GYG2: variants seen among roughly 807,000 people sequenced by gnomAD.
GYG2 encodes the protein glycogenin-2.
Under a neutral mutation model 29.4 loss-of-function variants are expected in GYG2, and 29 were observed. The observed-to-expected ratio is 0.99, with a 90% confidence interval of 0.74 to 1.35. The LOEUF is 1.35. Among genes scored for constraint, GYG2 ranks in the 40% most tolerant of loss-of-function variants. GYG2 has a pLI of 0.00. For missense variants in GYG2, 370 were observed against 385.7 expected (o/e 0.96, Z 0.34); for synonymous variants, 167 against 172.3 (o/e 0.97, Z 0.24).
At chrX:2,848,547 G>GGAA (rs1555897784) in intron 3 of GYG2, among the ~76,000 whole-genome samples, 1 of 99,243 alleles carries the variant, frequency 1.0e-5, no homozygotes, top group African/African-American at 3.7e-5. Context: ...AAAAAGAAGG[G>GGAA]AAAAAAAAAA....
chrX:2,874,278 G>A (rs1378101927), intron 8 of GYG2, among the ~76,000 whole-genome samples: 1 of 111,799 alleles, frequency 8.9e-6, no homozygotes, highest in African/African-American at 3.3e-5. Context: ...ATTTCTTTCT[G>A]TGCTCCTGTT....
At chrX:2,842,361 AT>A (rs201624382) in intron 2 of GYG2, among the ~76,000 whole-genome samples, 12,608 of 100,387 alleles carry the variant, frequency 0.13, 727 homozygotes, top group South Asian at 0.28. Context: ...CGCCTGGCTA[AT>A]TTTTTTTTTT....
At chrX:2,832,684 G>A (rs1281714749) in intron 2 of GYG2, among the ~76,000 whole-genome samples, 1 of 111,522 alleles carries the variant, frequency 9.0e-6, no homozygotes, top group African/African-American at 3.3e-5. Flanking sequence ...ACAGGTGCCC[G>A]CCCCCATGCC....
At chrX:2,858,431 A>T (rs1389722414) in intron 6 of GYG2, among the ~76,000 whole-genome samples, 1 of 111,118 alleles carries the variant, frequency 9.0e-6, no homozygotes, top group Non-Finnish European at 1.9e-5. Flanking sequence ...GTGCCACTGC[A>T]CTCCAGCCTG....
Position 2,830,082 on chromosome X carries a change from C to T in GYG2, c.-107C>T. On this transcript the variant is annotated 5_prime_UTR_variant, in exon 2 of 11. Coordinates refer to ENST00000398806, the MANE Select transcript of GYG2 (RefSeq NM_001079855.2). ...CCAGGCCTGGAAATCCACGCGGATT[C>T]CCGGAGACGGCGCCTCTGCTCTGCG... The T allele has an allele frequency of 1.3e-6, 1 of 782,848 alleles. No homozygotes were observed. The highest frequency in any genetic ancestry group is 1.9e-6 in the Non-Finnish European group (1 of 520,684). 64.5% of individuals were successfully genotyped at this position (782,848 alleles called of 1,213,427 possible).
At chrX:2,843,001 CAG>C (rs1243952488) in intron 2 of GYG2, 2 of 469,105 alleles carry the variant, frequency 4.3e-6, no homozygotes, top group Admixed American at 2.9e-5. Context: ...TTCGTAGAGA[CAG>C]AGTTTCACCA....
In GYG2 at chrX:2,860,066, G is replaced by C; in HGVS notation, c.837+1G>C. 9.0e-7 allele frequency: 1 copy of C among 1,108,486 alleles called. No individual in the cohort carries two copies. Among genetic ancestry groups the C allele is most frequent in the Admixed American group, 2.3e-5 (1 of 42,728 alleles). The allele number at this position is 1,108,486 out of a possible 1,213,427, so 91.4% of individuals were successfully genotyped here. On this transcript the variant is annotated splice_donor_variant, in intron 7 of 10. Transcript: ENST00000398806. LOFTEE classifies it high-confidence loss of function. ...AGCACGCGCGTCTCCTGGTCACACA[G>C]TAAGTGGGGGATTCCCTTAAAACCC...
rs143597107 is a variant in GYG2 at position 2,861,834 on chromosome X, C to T, written c.1038+112C>T. The stretch of plus-strand genomic sequence containing the variant: ...GGGGAGGGGAGATGGAGGGGAAGGG[C>T]TGGTCTTTGGCTTGCTGTGGCATTC... On this transcript the variant is annotated intron_variant, in intron 8 of 10. Coordinates refer to ENST00000398806, the MANE Select transcript of GYG2 (RefSeq NM_001079855.2). 3,896 of 576,246 alleles carry T rather than the reference C, an allele frequency of 6.8e-3. 104 individuals carry two copies. In the African/African-American group the frequency reaches 0.078, roughly 11 times the overall value. The allele number at this position is 576,246 out of a possible 1,213,427, so 47.5% of individuals were successfully genotyped here.
chrX:2,868,371 C>T (rs1305763073), intron 8 of GYG2, among the ~76,000 whole-genome samples: 3 of 98,964 alleles, frequency 3.0e-5, no homozygotes, highest in African/African-American at 1.1e-4. Flanking sequence ...AGCCGGAAAT[C>T]GCTTGAACCC....
At position 2,859,906 on chromosome X, in the gene GYG2, C is replaced by T. The variant is rs2088115811; in HGVS notation, c.678C>T (p.Tyr226=). The stretch of plus-strand genomic sequence containing the variant: ...CCATGAAACCTTGGAACTACAAGTA[C>T]AATCCACAGAGTGGCTCGGTGTTGG... The part of the protein sequence containing the change: ...LGSMKPWNYK[Y]NPQSGSVLEQ... Residue 226 remains tyrosine (Y), a synonymous_variant, in exon 7 of 11, where the codon TAC becomes TAT. Transcript: ENST00000398806. 3.3e-6 allele frequency: 4 copies of T among 1,203,528 alleles called. No individual in the cohort carries two copies. In the African/African-American group the frequency reaches 5.3e-5, roughly 16 times the overall value.
chrX:2,838,453 C>CCCTCCCTTCCTCCTTT (rs1345311902), intron 2 of GYG2, among the ~76,000 whole-genome samples: 2 of 5,284 alleles, frequency 3.8e-4, no homozygotes, highest in South Asian at 0.051. Flanking sequence ...CCCTCCCCTC[C>CCCTCCCTTCCTCCTTT]CCTCCCTTCC....
chrX:2,856,068 G>A (rs920872926), intron 5 of GYG2, among the ~76,000 whole-genome samples: 3 of 112,293 alleles, frequency 2.7e-5, no homozygotes, highest in African/African-American at 9.7e-5. Context: ...TGAAATGGGC[G>A]TCAGTAGAGA....
intron 3 of GYG2, among the ~76,000 whole-genome samples, chrX:2,850,729 C>A (rs1321587603): frequency 9.0e-6 from 1 of 111,010 alleles, no homozygotes; most frequent in East Asian, 2.8e-4. Flanking sequence ...TACTGAGCAC[C>A]TTTCGACCCC....
At chrX:2,844,467 C>T (rs143277074) in intron 3 of GYG2, among the ~76,000 whole-genome samples, 4 of 109,918 alleles carry the variant, frequency 3.6e-5, no homozygotes, top group African/African-American at 9.9e-5. Flanking sequence ...TATACACACA[C>T]GTATGCATAT....
chrX:2,855,060 C>T lies in GYG2; in HGVS notation c.392C>T (p.Pro131Leu), dbSNP rs2087951814. ...TCTGCGGCCCCGGACCCCGGATGGC[C>T]GGATTGCTTCAATAGCGGGGTGTTT... is the stretch of plus-strand genomic sequence containing the variant. ...EFSAAPDPGW[P>L]DCFNSGVFVF... The change falls in exon 5 of 11, where the codon CCG (proline) becomes CTG (leucine). Residue 131 changes from proline to leucine, a missense_variant. Transcript: ENST00000398806. 3 of 1,209,304 alleles carry T rather than the reference C, an allele frequency of 2.5e-6. No homozygotes were observed. The highest frequency in any genetic ancestry group is 5.9e-5 in the East Asian group (2 of 33,766).
intron 3 of GYG2, among the ~76,000 whole-genome samples, chrX:2,846,056 T>TATATATATATATATATA (rs1491432509): frequency 1.2e-3 from 12 of 9,731 alleles, no homozygotes; most frequent in Non-Finnish European, 1.9e-3. Context: ...TATATATATA[T>TATATATATATATATATA]TTTTTTTTTT....
intron 8 of GYG2, among the ~76,000 whole-genome samples, chrX:2,867,988 C>G (rs12558009): frequency 9.2e-6 from 1 of 108,824 alleles, no homozygotes; most frequent in Non-Finnish European, 1.9e-5. Flanking sequence ...CCCAGCTACT[C>G]GGGAGGCCGA....
At chrX:2,841,306 T>C (rs1166965531) in intron 2 of GYG2, among the ~76,000 whole-genome samples, 1 of 108,345 alleles carries the variant, frequency 9.2e-6, no homozygotes, top group Non-Finnish European at 1.9e-5. Context: ...GATGGATGGA[T>C]GAATGGATGG....
chrX:2,877,283 C>T lies in GYG2; in HGVS notation c.1227C>T (p.Asp409=), dbSNP rs1266397692. 7 of 1,208,156 alleles carry T rather than the reference C, an allele frequency of 5.8e-6. No individual in the cohort carries two copies. The African/African-American group carries it at 8.8e-5, about 15-fold the overall frequency. The part of the protein sequence containing the change: ...SQELPAEALR[D]PSLQDALEVD... ...AACTCCCTGCTGAGGCTCTCAGGGA[C>T]CCCAGTCTGCAGGATGCACTGGAGG... Residue 409 remains aspartate (D), a synonymous_variant, in exon 10 of 11, where the codon GAC becomes GAT. Transcript: ENST00000398806.
Sources: allele counts gnomAD v4.1 joint callset (sites outside exome capture counted in the v4.1 genomes callset), GRCh38; gene constraint gnomAD v4.1.1; transcripts MANE v1.5; gene names NCBI Gene and HGNC (gene_info 2026-07-23, HGNC 2026-07-21).